Variants in NRG3 observed in about 807,000 individuals in gnomAD.
The protein encoded by NRG3 is pro-neuregulin-3, membrane-bound isoform.
In NRG3, 31 loss-of-function variants were observed where a neutral mutation model predicts 66.9. The observed-to-expected ratio is 0.46, with a 90% CI of 0.35 to 0.63. The LOEUF (loss-of-function observed/expected upper bound fraction) is 0.63, where lower values mean the gene tolerates loss of function less well. Among genes scored for constraint, NRG3 ranks in the 20% least tolerant of loss-of-function variants. NRG3 has a pLI of 0.00. For synonymous variants in NRG3, 393 were observed against 359.4 expected, an observed-to-expected ratio of 1.09 and a Z score of -1.06; for missense variants, 910 against 878.9, an observed-to-expected ratio of 1.04 and a Z score of -0.45.
chr10:82,574,266 C>A (rs1222127762), intron 2 of NRG3, among the ~76,000 whole-genome samples: 1 of 151,658 alleles, frequency 6.6e-6, no homozygotes, highest in Admixed American at 6.6e-5. Context: ...CATATAATGT[C>A]AAGTGAAATA....
At chr10:82,222,820 G>A (rs954595645) in intron 1 of NRG3, among the ~76,000 whole-genome samples, 13 of 152,080 alleles carry the variant, frequency 8.5e-5, no homozygotes, top group African/African-American at 2.9e-4. Context: ...CCCCAATGTG[G>A]ATTTCTAGTA....
chr10:82,343,973 A>G (rs1391880786), intron 1 of NRG3, among the ~76,000 whole-genome samples: 1 of 152,134 alleles, frequency 6.6e-6, no homozygotes, highest in Non-Finnish European at 1.5e-5. Context: ...ATCCATACAT[A>G]CTTTCCAGAC....
intron 1 of NRG3, among the ~76,000 whole-genome samples, chr10:82,170,336 C>T (rs747990892): frequency 4.6e-5 from 7 of 151,796 alleles, no homozygotes; most frequent in African/African-American, 1.2e-4. Flanking sequence ...AGCATGTGGC[C>T]GGGTCTTCAG....
At chr10:82,248,951 T>C (rs1034798859) in intron 1 of NRG3, among the ~76,000 whole-genome samples, 6 of 152,182 alleles carry the variant, frequency 3.9e-5, no homozygotes, top group Non-Finnish European at 8.8e-5. Flanking sequence ...CCCACCGTGC[T>C]TTCCTTACTT....
intron 2 of NRG3, among the ~76,000 whole-genome samples, chr10:82,455,094 G>C (rs563247777): frequency 6.6e-6 from 1 of 152,244 alleles, no homozygotes; most frequent in East Asian, 1.9e-4. Context: ...CCTCACACGT[G>C]GCTCCCTCGA....
chr10:82,605,791 G>T (rs1401390353), intron 2 of NRG3, among the ~76,000 whole-genome samples: 2 of 151,990 alleles, frequency 1.3e-5, no homozygotes, highest in Non-Finnish European at 2.9e-5. Context: ...TCCTTTAATA[G>T]ATATAGGCCC....
At chr10:82,951,150 G>T (rs990388116) in intron 4 of NRG3, among the ~76,000 whole-genome samples, 5 of 152,150 alleles carry the variant, frequency 3.3e-5, no homozygotes, top group African/African-American at 1.2e-4. Context: ...ATTAATTTGG[G>T]CCTTACCACA....
At chr10:82,565,630 A>G (rs1157851378) in intron 2 of NRG3, among the ~76,000 whole-genome samples, 1 of 151,564 alleles carries the variant, frequency 6.6e-6, no homozygotes, top group Non-Finnish European at 1.5e-5. Context: ...CGGCACTACC[A>G]CTCTCAGGCT....
At chr10:82,979,685 G>T (rs1355716166) in intron 8 of NRG3, among the ~76,000 whole-genome samples, 1 of 152,104 alleles carries the variant, frequency 6.6e-6, no homozygotes, top group Non-Finnish European at 1.5e-5. Flanking sequence ...AGTGCAAAAG[G>T]TGTCCCTTCC....
chr10:82,120,366 CT>C (rs1296422538), intron 1 of NRG3, among the ~76,000 whole-genome samples: 1 of 151,946 alleles, frequency 6.6e-6, no homozygotes, highest in African/African-American at 2.4e-5. Context: ...AAGTTTTAGG[CT>C]ATTTAAAATC....
rs200926192 is a variant in NRG3, at chr10:82,559,963, A to AAT, written c.954-178602_954-178601dup. 6.6e-3 allele frequency among the ~76,000 whole-genome samples: 1,008 copies of AAT among 151,582 alleles called. 9 individuals are homozygous for AAT. Among genetic ancestry groups the AAT allele is most frequent in the Non-Finnish European group, 0.011 (733 of 67,808 alleles). ...TTGTTTTGCTTAAAATTAGGAATTT[A>AAT]ATATATATATATAGTAAGTCAGTTG... is the stretch of plus-strand genomic sequence containing the variant. On this transcript the variant is annotated intron_variant, in intron 2 of 8. Coordinates refer to ENST00000372141, the MANE Select transcript of NRG3 (RefSeq NM_001010848.4).
rs183720410 is a variant in NRG3 at position 82,099,004 on chromosome 10, A to G, written c.823+222841A>G. 2.0e-3 allele frequency among the ~76,000 whole-genome samples: 298 copies of G among 152,268 alleles called. 1 individual carries two copies. Among genetic ancestry groups the G allele is most frequent in the African/African-American group, 6.8e-3 (283 of 41,566 alleles). Reference sequence around the variant, plus strand: ...ATGGTCTCGATCTCCTGACCTCGTGATCTGCCCGCATTGACCTCCCAAAGT... The same window carrying G: ...ATGGTCTCGATCTCCTGACCTCGTGGTCTGCCCGCATTGACCTCCCAAAGT... On this transcript the variant is annotated intron_variant, in intron 1 of 8. Coordinates refer to ENST00000372141, the MANE Select transcript of NRG3 (RefSeq NM_001010848.4).
chr10:82,098,527 C>T (rs2066519617), intron 1 of NRG3, among the ~76,000 whole-genome samples: 1 of 152,044 alleles, frequency 6.6e-6, no homozygotes. Context: ...TTAGAGGGTA[C>T]AGTGTAGGAG....
At chr10:82,408,131 G>GAAAGAAAGAA (rs1554911301) in intron 2 of NRG3, among the ~76,000 whole-genome samples, 1,715 of 129,558 alleles carry the variant, frequency 0.013, 46 homozygotes, top group East Asian at 0.029. Context: ...AAGAAAGAAA[G>GAAAGAAAGAA]AAAGAAAGAA....
At chr10:82,042,341 T>C (rs909799068) in intron 1 of NRG3, among the ~76,000 whole-genome samples, 3 of 152,064 alleles carry the variant, frequency 2.0e-5, no homozygotes, top group Non-Finnish European at 4.4e-5. Flanking sequence ...TTATCTTTAT[T>C]TTTTGCAAAT....
chr10:82,378,164 G>C (rs183834943), intron 2 of NRG3, among the ~76,000 whole-genome samples: 1 of 152,138 alleles, frequency 6.6e-6, no homozygotes. Flanking sequence ...ATGAATTGGA[G>C]GAGTTTCTAC....
At chr10:82,173,238 G>A (rs2072767427) in intron 1 of NRG3, among the ~76,000 whole-genome samples, 1 of 151,790 alleles carries the variant, frequency 6.6e-6, no homozygotes, top group South Asian at 2.1e-4. Flanking sequence ...TCCTGTTAAA[G>A]GTAAAAAGGC....
intron 3 of NRG3, among the ~76,000 whole-genome samples, chr10:82,784,434 G>A (rs1279791261): frequency 6.6e-6 from 1 of 151,850 alleles, no homozygotes; most frequent in Admixed American, 6.6e-5. Context: ...CTACAAAATG[G>A]GAGAAAATTT....
chr10:82,224,788 A>G (rs747053435), intron 1 of NRG3, among the ~76,000 whole-genome samples: 4 of 152,152 alleles, frequency 2.6e-5, no homozygotes, highest in Non-Finnish European at 5.9e-5. Context: ...ATAAAAATTC[A>G]ATAGCTATTC....
Sources: gnomAD v4.1 joint callset for allele counts (sites outside exome capture counted in the v4.1 genomes callset) on GRCh38, gnomAD v4.1.1 for gene constraint, MANE v1.5 for transcripts, NCBI Gene and HGNC (gene_info 2026-07-23, HGNC 2026-07-21) for gene names.